Variants in COL4A2 observed in about 807,000 individuals in gnomAD.
The protein encoded by COL4A2 is collagen alpha-2(IV) chain.
A neutral mutation model predicts 200.2 loss-of-function variants in COL4A2; 99 were observed. That is an observed-to-expected ratio of 0.49 (90% CI 0.42 to 0.58). The LOEUF (loss-of-function observed/expected upper bound fraction) is 0.58, where lower values mean the gene tolerates loss of function less well. Among genes scored for constraint, COL4A2 ranks in the 20% least tolerant of loss-of-function variants. The pLI is 0.00. For missense variants in COL4A2, 1,950 were observed against 2,314.1 expected (o/e 0.84, Z 3.23); for synonymous variants, 897 against 900.6 (o/e 1.00, Z 0.07).
intron 29 of COL4A2, chr13:110,473,431 CA>C: frequency 2.5e-6 from 1 of 398,802 alleles, no homozygotes. Context: ...CTGGCTGTGA[CA>C]GGGGCCGTGA....
At chr13:110,425,029 C>T (rs1332285508) in intron 6 of COL4A2, 32 bp downstream of exon 6, 8 of 1,602,604 alleles carry the variant, frequency 5.0e-6, no homozygotes, top group Non-Finnish European at 6.8e-6. Context: ...AATTTTAAAA[C>T]ATTGCGTGCA....
At chr13:110,339,007 G>C (rs1422472575) in intron 3 of COL4A2, among the ~76,000 whole-genome samples, 1 of 152,198 alleles carries the variant, frequency 6.6e-6, no homozygotes, top group East Asian at 1.9e-4. Context: ...TGGCAGTTAT[G>C]CCTCTGCCTT....
intron 29 of COL4A2, 55 bp from the exon 30 acceptor site, chr13:110,477,948 C>T (rs1474973077): frequency 1.4e-6 from 2 of 1,384,686 alleles, no homozygotes; most frequent in East Asian, 2.6e-5. Flanking sequence ...GAGATGCTGT[C>T]TGTGATGAAC....
At chr13:110,466,805 T>C (rs1176365033) in intron 26 of COL4A2, among the ~76,000 whole-genome samples, 1 of 152,232 alleles carries the variant, frequency 6.6e-6, no homozygotes, top group African/African-American at 2.4e-5. Context: ...TGCCAGTTTT[T>C]ATTTGACTAG....
chr13:110,397,209 C>T (rs187387269), intron 4 of COL4A2, among the ~76,000 whole-genome samples: 99 of 152,336 alleles, frequency 6.5e-4, no homozygotes, highest in African/African-American at 2.3e-3. Flanking sequence ...GTTATACAGT[C>T]TGTTTACTTA....
At chr13:110,408,074 C>G (rs1879638380) in intron 4 of COL4A2, among the ~76,000 whole-genome samples, 1 of 152,174 alleles carries the variant, frequency 6.6e-6, no homozygotes, top group South Asian at 2.1e-4. Flanking sequence ...AGTATCCCAC[C>G]TCATGAGTTT....
intron 3 of COL4A2, among the ~76,000 whole-genome samples, chr13:110,345,110 T>C (rs1050110411): frequency 3.3e-5 from 5 of 152,164 alleles, no homozygotes; most frequent in Non-Finnish European, 7.4e-5. Context: ...TGTGAATCAA[T>C]GTGATTTGAC....
intron 28 of COL4A2, among the ~76,000 whole-genome samples, chr13:110,471,454 C>T (rs1325802842): frequency 6.6e-6 from 1 of 152,182 alleles, no homozygotes; most frequent in Admixed American, 6.5e-5. Context: ...CTTCTGTCGC[C>T]ACATGCAGAA....
At position 110,436,332 on chromosome 13, in the gene COL4A2, C is replaced by T. The variant is rs1880871265; in HGVS notation, c.790C>T (p.Pro264Ser). 6.2e-7 allele frequency: 1 copy of T among 1,613,618 alleles called. No homozygotes were observed. Residue 264 changes from proline to serine, a missense_variant, in exon 13 of 48, where the codon CCC becomes TCC. Physicochemically the swap from Pro to Ser is moderately conservative, Grantham distance 74. Coordinates refer to ENST00000360467, the MANE Select transcript of COL4A2 (RefSeq NM_001846.4). Reference sequence around the variant, plus strand: ...AGACACCCTCCACCCCATCATCGCGCCCACAGGAGTCACCTTCCACCCAGA... The same window carrying T: ...AGACACCCTCCACCCCATCATCGCGTCCACAGGAGTCACCTTCCACCCAGA... ...PSDTLHPIIAPTGVTFHPDQY... is the reference protein window; with the variant it reads ...PSDTLHPIIASTGVTFHPDQY...
chr13:110,452,926 T>C (rs940183758), intron 20 of COL4A2, among the ~76,000 whole-genome samples: 2 of 151,910 alleles, frequency 1.3e-5, no homozygotes, highest in African/African-American at 4.8e-5. Context: ...CCACCATGCC[T>C]GGCTAATTTT....
At chr13:110,370,092 T>TC (rs910622355) in intron 4 of COL4A2, among the ~76,000 whole-genome samples, 1 of 151,956 alleles carries the variant, frequency 6.6e-6, no homozygotes, top group African/African-American at 2.4e-5. Flanking sequence ...TGAAATGATT[T>TC]CCCCCTGTAT....
In COL4A2 at chr13:110,307,710, T is replaced by C. The variant is rs1884822751; in HGVS notation, c.-44-150T>C. The C allele has an allele frequency of 5.5e-6, 4 of 725,274 alleles. No individual in the cohort carries two copies. In the South Asian group the frequency reaches 7.7e-5, roughly 14 times the overall value. 44.9% of individuals were successfully genotyped at this position (725,274 alleles called of 1,614,324 possible). ...GGGGCCTAACGGGAGGCTCTCCTTCTTTCCGGGTCGTGGGGGGGACGGCCC... is the reference window on the plus strand; with the variant it reads ...GGGGCCTAACGGGAGGCTCTCCTTCCTTCCGGGTCGTGGGGGGGACGGCCC... On this transcript the variant is annotated intron_variant, in intron 1 of 47. Coordinates refer to ENST00000360467, the MANE Select transcript of COL4A2 (RefSeq NM_001846.4). The surrounding 1 kb of genome is among the most constrained non-coding windows in gnomAD (Gnocchi z 5.0).
intron 39 of COL4A2, 41 bp downstream of exon 39, chr13:110,493,323 G>T (rs1486929607): frequency 6.2e-7 from 1 of 1,601,326 alleles, no homozygotes; most frequent in Admixed American, 1.7e-5. Context: ...ACGCAGAGGT[G>T]TCGAGGGTGG....
chr13:110,387,821 A>G (rs1999014), intron 4 of COL4A2, among the ~76,000 whole-genome samples: 151,324 of 152,298 alleles, frequency 0.99, 75,186 homozygotes, highest in East Asian at 1. Flanking sequence ...GCAGCTGCTC[A>G]GAGCCACCTC....
chr13:110,378,681 G>T (rs899995478), intron 4 of COL4A2, among the ~76,000 whole-genome samples: 3 of 152,172 alleles, frequency 2.0e-5, no homozygotes, highest in Admixed American at 1.3e-4. Flanking sequence ...ATGAAAAGTC[G>T]CATTAAAACC....
chr13:110,312,148 C>T (rs954187807), intron 3 of COL4A2, among the ~76,000 whole-genome samples: 3 of 152,228 alleles, frequency 2.0e-5, no homozygotes, highest in African/African-American at 7.2e-5. Context: ...GGGGTTCCTC[C>T]TCTGCTCGTG....
At chr13:110,439,449 G>A (rs536409666) in intron 15 of COL4A2, among the ~76,000 whole-genome samples, 55 of 152,286 alleles carry the variant, frequency 3.6e-4, no homozygotes, top group Admixed American at 1.3e-3. Flanking sequence ...CTAAAATGAT[G>A]TGTCTCCCTC....
chr13:110,496,561 AG>A lies in COL4A2; in HGVS notation c.3760+1097del, dbSNP rs1465675855. Among the ~76,000 whole-genome samples the A allele has an allele frequency of 4.0e-5, 6 of 151,656 alleles. No individual in the cohort carries two copies. In the East Asian group the frequency reaches 7.8e-4, roughly 20 times the overall value. Reference sequence around the variant, plus strand: ...CAGCCTCAGCCAGCGGTGAGGATCTAGGGTCAGTCCACCAGCACAGCCTCAG... The same window carrying A: ...CAGCCTCAGCCAGCGGTGAGGATCTAGGTCAGTCCACCAGCACAGCCTCAG... On this transcript the variant is annotated intron_variant, in intron 40 of 47. Coordinates refer to ENST00000360467, the MANE Select transcript of COL4A2 (RefSeq NM_001846.4).
chr13:110,465,101 G>A (rs564503311), intron 24 of COL4A2, among the ~76,000 whole-genome samples: 3 of 152,296 alleles, frequency 2.0e-5, no homozygotes, highest in Non-Finnish European at 4.4e-5. Flanking sequence ...CTGTGCCTTC[G>A]CTGTTCTGGA....
Sources: allele counts gnomAD v4.1 joint callset (sites outside exome capture counted in the v4.1 genomes callset), GRCh38; gene constraint gnomAD v4.1.1; non-coding constraint Gnocchi (gnomAD v3.1); transcripts MANE v1.5; gene names NCBI Gene and HGNC (gene_info 2026-07-23, HGNC 2026-07-21).